Variants in DOCK9 observed in about 807,000 individuals in gnomAD.
DOCK9 encodes the protein dedicator of cytokinesis 9.
In DOCK9, 89 loss-of-function variants were observed where a neutral mutation model predicts 263.3. That is an observed-to-expected ratio of 0.34 (90% CI 0.28 to 0.40). The LOEUF (loss-of-function observed/expected upper bound fraction) is 0.40, where lower values mean the gene tolerates loss of function less well. Among genes scored for constraint, DOCK9 ranks in the 10% least tolerant of loss-of-function variants. The pLI is 1.00. For synonymous variants in DOCK9, 976 were observed against 973.1 expected (o/e 1.00, Z -0.06); for missense variants, 2,140 against 2,603.4 (o/e 0.82, Z 3.87).
intron 52 of DOCK9, among the ~76,000 whole-genome samples, chr13:98,795,453 A>G (rs1033589856): frequency 1.3e-5 from 2 of 152,212 alleles, no homozygotes; most frequent in African/African-American, 2.4e-5. Context: ...ACGGCCCTTC[A>G]GGGGTTCACG....
In DOCK9 at chr13:98,880,441, T is replaced by C. The variant is rs553176252; in HGVS notation, c.2871+106A>G. 47 of 1,431,920 alleles carry C rather than the reference T, an allele frequency of 3.3e-5. No individual in the cohort carries two copies. The African/African-American group carries it at 4.4e-4, about 13-fold the overall frequency. The allele number at this position is 1,431,920 out of a possible 1,614,324, so 88.7% of individuals were successfully genotyped here. On this transcript the variant is annotated intron_variant, in intron 26 of 52. Coordinates refer to ENST00000682017, the MANE Select transcript of DOCK9 (RefSeq NM_001366683.2). Reference sequence around the variant, plus strand: ...GAGAACACTACCCCTTTTTAGGGAGTGGTGTTTGTCTCTAAGAGCACTCAG... The same window carrying C: ...GAGAACACTACCCCTTTTTAGGGAGCGGTGTTTGTCTCTAAGAGCACTCAG...
At chr13:98,976,553 T>C (rs2060296635) in intron 1 of DOCK9, among the ~76,000 whole-genome samples, 1 of 152,246 alleles carries the variant, frequency 6.6e-6, no homozygotes, top group South Asian at 2.1e-4. Context: ...TTACATCAGC[T>C]GCTTTAAGCA....
intron 39 of DOCK9, chr13:98,832,073 C>T (rs1427429587): frequency 1.2e-5 from 4 of 333,992 alleles, no homozygotes; most frequent in Non-Finnish European, 2.2e-5. Context: ...CTCATTTTTA[C>T]TGTCCACCAG....
At chr13:98,887,143 A>ATATATTT (rs1470080750) in intron 18 of DOCK9, among the ~76,000 whole-genome samples, 13 of 95,280 alleles carry the variant, frequency 1.4e-4, no homozygotes, top group African/African-American at 4.8e-4. Flanking sequence ...ATATATATAT[A>ATATATTT]TTTTTTTTTT....
chr13:99,035,513 A>G (rs534423459), intron 1 of DOCK9, among the ~76,000 whole-genome samples: 4 of 152,326 alleles, frequency 2.6e-5, no homozygotes, highest in South Asian at 4.1e-4. Context: ...AAAGTCATGC[A>G]CTTAAATGGG....
chr13:99,027,227 C>T (rs1030978052), intron 1 of DOCK9, among the ~76,000 whole-genome samples: 1 of 152,112 alleles, frequency 6.6e-6, no homozygotes, highest in Non-Finnish European at 1.5e-5. Flanking sequence ...ACCATATTGG[C>T]CAGGCTGGTA....
At chr13:98,916,874 T>C (rs1421806710) in intron 7 of DOCK9, among the ~76,000 whole-genome samples, 3 of 152,252 alleles carry the variant, frequency 2.0e-5, no homozygotes, top group Non-Finnish European at 2.9e-5. Context: ...GGTTCTAAAA[T>C]GCTTCAAAAT....
intron 30 of DOCK9, among the ~76,000 whole-genome samples, chr13:98,866,894 C>T (rs774682035): frequency 5.3e-5 from 8 of 152,172 alleles, no homozygotes; most frequent in Non-Finnish European, 1.2e-4. Flanking sequence ...ACAGCAATGT[C>T]TTAGTTCCAG....
chr13:98,986,765 C>T (rs1364001736), intron 1 of DOCK9, among the ~76,000 whole-genome samples: 1 of 152,152 alleles, frequency 6.6e-6, no homozygotes, highest in African/African-American at 2.4e-5. Context: ...GGGGCTCACA[C>T]GTTGTTATTC....
At chr13:98,888,278 A>G in intron 17 of DOCK9, 55 bp from the exon 18 acceptor site, 1 of 1,602,486 alleles carries the variant, frequency 6.2e-7, no homozygotes, top group Non-Finnish European at 8.5e-7. Context: ...CAGACTATGT[A>G]AGTATTTATA....
At chr13:98,899,412 T>A (rs1294601882) in intron 13 of DOCK9, among the ~76,000 whole-genome samples, 1 of 152,214 alleles carries the variant, frequency 6.6e-6, no homozygotes, top group Non-Finnish European at 1.5e-5. Context: ...ATACTTTTCA[T>A]GATCCCTTTC....
At position 98,909,503 on chromosome 13, in the gene DOCK9, T is replaced by C. The variant is rs183429395; in HGVS notation, c.961-4797A>G. 1.4e-3 allele frequency among the ~76,000 whole-genome samples: 214 copies of C among 152,304 alleles called. 1 individual carries two copies. Among genetic ancestry groups the C allele is most frequent in the African/African-American group, 4.9e-3 (205 of 41,572 alleles). ...TTGAATGTTGGGTCATTTAAACAGATTGGGTTGGAATAGGAGGACTTTGCA... is the reference window on the plus strand; with the variant it reads ...TTGAATGTTGGGTCATTTAAACAGACTGGGTTGGAATAGGAGGACTTTGCA... On this transcript the variant is annotated intron_variant, in intron 9 of 52. Transcript: ENST00000682017.
intron 1 of DOCK9, among the ~76,000 whole-genome samples, chr13:99,028,099 T>C (rs529115778): frequency 6.6e-6 from 1 of 152,276 alleles, no homozygotes; most frequent in African/African-American, 2.4e-5. Context: ...TCTAAAAATT[T>C]TTGGTTTTCA....
intron 2 of DOCK9, among the ~76,000 whole-genome samples, chr13:98,930,481 A>G (rs948628169): frequency 6.6e-6 from 1 of 152,168 alleles, no homozygotes; most frequent in Admixed American, 6.5e-5. Context: ...TTTCTTGATC[A>G]GGGGCCCACA....
At chr13:98,938,895 C>A (rs538648986) in intron 2 of DOCK9, among the ~76,000 whole-genome samples, 154 of 152,358 alleles carry the variant, frequency 1.0e-3, no homozygotes, top group African/African-American at 3.5e-3. Context: ...TAAAGACAAT[C>A]TCCCAGAGAA....
chr13:98,915,571 C>T (rs1237792154), intron 7 of DOCK9, 68 bp from the exon 8 acceptor site: 9 of 1,445,514 alleles, frequency 6.2e-6, no homozygotes, highest in Middle Eastern at 3.8e-4. Context: ...TAATTACTCT[C>T]TCTTGTTGGT....
intron 49 of DOCK9, among the ~76,000 whole-genome samples, chr13:98,802,929 C>T (rs1458217391): frequency 3.3e-5 from 5 of 152,180 alleles, no homozygotes; most frequent in Non-Finnish European, 5.9e-5. Flanking sequence ...AAATGAAGAA[C>T]GCTCTTTCCC....
At chr13:98,999,316 A>ACACACACTCTCT in intron 1 of DOCK9, among the ~76,000 whole-genome samples, 2,423 of 138,320 alleles carry the variant, frequency 0.018, 28 homozygotes, top group South Asian at 0.02. Flanking sequence ...ACACACACAC[A>ACACACACTCTCT]CTCTCTCTCT....
In DOCK9 at chr13:98,949,785, C is replaced by T. The variant is rs2057186570; in HGVS notation, c.243+5650G>A. The stretch of plus-strand genomic sequence containing the variant: ...AGGTGAGGCCATCTCCTTGAGGAAG[C>T]CCACTCTATTCTTGGTAGCATGATG... On this transcript the variant is annotated intron_variant, in intron 2 of 52. Coordinates refer to ENST00000682017, the MANE Select transcript of DOCK9 (RefSeq NM_001366683.2). 19 of 446,354 alleles carry T rather than the reference C, an allele frequency of 4.3e-5. 1 individual carries two copies. Among genetic ancestry groups the T allele is most frequent in the South Asian group, 3.2e-4 (18 of 56,672 alleles). 27.6% of individuals were successfully genotyped at this position (446,354 alleles called of 1,614,324 possible).
Sources: allele counts gnomAD v4.1 joint callset (sites outside exome capture counted in the v4.1 genomes callset), GRCh38; gene constraint gnomAD v4.1.1; transcripts MANE v1.5; gene names NCBI Gene and HGNC (gene_info 2026-07-23, HGNC 2026-07-21).